Variants in ASAP1 observed in about 807,000 individuals in gnomAD.
ASAP1 encodes ArfGAP with SH3 domain, ankyrin repeat and PH domain 1.
A neutral mutation model predicts 145.2 loss-of-function variants in ASAP1; 43 were observed. That is an observed-to-expected ratio of 0.30 (90% CI 0.23 to 0.38). The LOEUF is 0.38. Among genes scored for constraint, ASAP1 ranks in the 10% least tolerant of loss-of-function variants. The pLI is 1.00. For missense variants in ASAP1, 1,018 were observed against 1,355.3 expected (o/e 0.75, Z 3.91); for synonymous variants, 546 against 515.5 (o/e 1.06, Z -0.80).
rs1406480468 is a variant in ASAP1, at chr8:130,139,565, C to G, written c.1081-2527G>C. Reference sequence around the variant, plus strand: ...ACGTGGCGAAACCCCGTTGTCTCTACTGAAAATACAAAACTTAGCTAAGCA... The same window carrying G: ...ACGTGGCGAAACCCCGTTGTCTCTAGTGAAAATACAAAACTTAGCTAAGCA... On this transcript the variant is annotated intron_variant, in intron 13 of 29. Coordinates refer to ENST00000518721, the MANE Select transcript of ASAP1 (RefSeq NM_018482.4). Among the ~76,000 whole-genome samples, 7 of 151,968 alleles carry G rather than the reference C, an allele frequency of 4.6e-5. No individual in the cohort carries two copies. The East Asian group carries it at 1.4e-3, about 29-fold the overall frequency.
At chr8:130,427,453 A>G (rs910405064) in intron 1 of ASAP1, among the ~76,000 whole-genome samples, 2 of 152,330 alleles carry the variant, frequency 1.3e-5, no homozygotes, top group Non-Finnish European at 2.9e-5. Flanking sequence ...CCACATGTGG[A>G]CAGGGTTCAG....
intron 3 of ASAP1, among the ~76,000 whole-genome samples, chr8:130,273,954 C>T (rs1264482462): frequency 2.0e-5 from 3 of 152,096 alleles, no homozygotes; most frequent in Non-Finnish European, 2.9e-5. Flanking sequence ...TGAAGGGGGG[C>T]GGAGGAGCTG....
intron 1 of ASAP1, among the ~76,000 whole-genome samples, chr8:130,410,098 G>T (rs575783945): frequency 1.3e-5 from 2 of 152,282 alleles, no homozygotes; most frequent in South Asian, 2.1e-4. Context: ...TTCCCATAGT[G>T]AGAATTATCT....
At chr8:130,086,761 G>A (rs1330481447) in intron 25 of ASAP1, among the ~76,000 whole-genome samples, 1 of 152,144 alleles carries the variant, frequency 6.6e-6, no homozygotes, top group African/African-American at 2.4e-5. Context: ...CTATGATCAC[G>A]CCACTGCACT....
Position 130,169,116 on chromosome 8 carries a change from G to C in ASAP1, c.747-49C>G, listed in dbSNP as rs374693184. 5 of 1,154,264 alleles carry C rather than the reference G, an allele frequency of 4.3e-6. No homozygotes were observed. The East Asian group carries it at 1.2e-4, about 28-fold the overall frequency. 71.5% of individuals were successfully genotyped at this position (1,154,264 alleles called of 1,614,324 possible). A position where few individuals can be genotyped will look rare whatever the true frequency, so the allele number is the denominator to read the frequency against. ...TTACCACCAGTATAAAAAAAAAAGA[G>C]TATTTGTTTCCTTATGTGGAAATAA... On this transcript the variant is annotated intron_variant, in intron 9 of 29. Transcript: ENST00000518721.
intron 2 of ASAP1, among the ~76,000 whole-genome samples, chr8:130,369,038 T>A (rs975890630): frequency 3.9e-5 from 6 of 152,242 alleles, no homozygotes; most frequent in African/African-American, 1.4e-4. Flanking sequence ...AGCTTCCTCA[T>A]CCGTAAAATG....
chr8:130,352,572 T>C (rs1826063675), intron 3 of ASAP1, among the ~76,000 whole-genome samples: 1 of 152,322 alleles, frequency 6.6e-6, no homozygotes, highest in Admixed American at 6.5e-5. Flanking sequence ...CTGGCCTGCA[T>C]GAGGACTTGA....
At chr8:130,366,443 TTG>T (rs920125041) in intron 2 of ASAP1, among the ~76,000 whole-genome samples, 1 of 152,180 alleles carries the variant, frequency 6.6e-6, no homozygotes, top group Non-Finnish European at 1.5e-5. Flanking sequence ...CAGTTGCCTA[TTG>T]TGATTGACAC....
chr8:130,150,699 G>C (rs925736574), intron 13 of ASAP1, among the ~76,000 whole-genome samples: 1 of 151,952 alleles, frequency 6.6e-6, no homozygotes, highest in South Asian at 2.1e-4. Context: ...GCAACACAGC[G>C]AAACCCCTAC....
intron 1 of ASAP1, among the ~76,000 whole-genome samples, chr8:130,423,511 C>T (rs1418364888): frequency 6.6e-6 from 1 of 152,096 alleles, no homozygotes; most frequent in Admixed American, 6.5e-5. Context: ...CAAGTATGTA[C>T]ATGCAAAAAC....
Position 130,360,490 on chromosome 8 carries a change from C to T in ASAP1, c.60-2347G>A, listed in dbSNP as rs12155934. Among the ~76,000 whole-genome samples, 359 of 152,310 alleles carry T rather than the reference C, an allele frequency of 2.4e-3. 2 individuals are homozygous for T. The highest frequency in any genetic ancestry group is 3.8e-3 in the Non-Finnish European group (261 of 68,034). ...CCCTCTATTGGCTGTACTGAACCTG[C>T]ACTGTGCCTCCAGCGAGATGCTCAT... On this transcript the variant is annotated intron_variant, in intron 2 of 29. Transcript: ENST00000518721.
chr8:130,168,960 G>A lies in ASAP1; in HGVS notation c.822+32C>T, dbSNP rs1384091790. On this transcript the variant is annotated intron_variant, in intron 10 of 29. Transcript: ENST00000518721. Reference sequence around the variant, plus strand: ...TACTGAAACTTATCCATGAAAGCAAGTTAAACTGCATGTATTTTATAAAGA... The same window carrying A: ...TACTGAAACTTATCCATGAAAGCAAATTAAACTGCATGTATTTTATAAAGA... 2.3e-6 allele frequency: 3 copies of A among 1,316,306 alleles called. 1 individual carries two copies. Among genetic ancestry groups the A allele is most frequent in the South Asian group, 2.6e-5 (2 of 75,524 alleles). The allele number at this position is 1,316,306 out of a possible 1,614,324, so 81.5% of individuals were successfully genotyped here. A position where few individuals can be genotyped will look rare whatever the true frequency, so the allele number is the denominator to read the frequency against.
rs144792496 is a variant in ASAP1 at position 130,250,431 on chromosome 8, C to T, written c.187-13437G>A. On this transcript the variant is annotated intron_variant, in intron 3 of 29. Coordinates refer to ENST00000518721, the MANE Select transcript of ASAP1 (RefSeq NM_018482.4). ...ACATGTTTTATTCTACTTTTTGTCA[C>T]GTCCAAGTATGGCGCATGCTAAGCT... is the stretch of plus-strand genomic sequence containing the variant. 2.4e-4 allele frequency among the ~76,000 whole-genome samples: 36 copies of T among 152,248 alleles called. No homozygotes were observed. In the East Asian group the frequency reaches 6.2e-3, roughly 26 times the overall value.
Position 130,180,823 on chromosome 8 carries a change from T to C in ASAP1, c.588A>G (p.Thr196=), listed in dbSNP as rs752499302. The change falls in exon 8 of 30, where the codon ACA becomes ACG. Residue 196 remains threonine (T), a synonymous_variant. Transcript: ENST00000518721. ...CCGCAATCTCAGCTCCTGTTATCTC[T>C]GTGCGGATCATCCCATGTTGTTTTG... ...EHAKQHGMIR[T]EITGAEIAEE... The C allele has an allele frequency of 1.2e-6, 2 of 1,613,764 alleles. No homozygotes were observed. The highest frequency in any genetic ancestry group is 2.7e-5 in the African/African-American group (2 of 74,932).
At chr8:130,202,462 G>T (rs991856617) in intron 5 of ASAP1, among the ~76,000 whole-genome samples, 1 of 152,186 alleles carries the variant, frequency 6.6e-6, no homozygotes, top group African/African-American at 2.4e-5. Flanking sequence ...TGGGCACTTG[G>T]TAACTGCTGG....
chr8:130,176,079 G>A (rs953033227), intron 9 of ASAP1, among the ~76,000 whole-genome samples: 1 of 152,210 alleles, frequency 6.6e-6, no homozygotes, highest in African/African-American at 2.4e-5. Context: ...ATTAGTGAGT[G>A]AGCTGAAATG....
intron 27 of ASAP1, among the ~76,000 whole-genome samples, chr8:130,071,767 A>T (rs905865017): frequency 6.6e-6 from 1 of 152,168 alleles, no homozygotes; most frequent in African/African-American, 2.4e-5. Flanking sequence ...AAACCTGCAA[A>T]CCTGAGTGTC....
chr8:130,099,180 ATTT>A (rs78544780), intron 24 of ASAP1, among the ~76,000 whole-genome samples: 1 of 140,636 alleles, frequency 7.1e-6, no homozygotes, highest in Admixed American at 7.2e-5. Context: ...GGCCTAGCTA[ATTT>A]TTTTTTTTTT....
intron 5 of ASAP1, among the ~76,000 whole-genome samples, chr8:130,197,380 G>A (rs1376332587): frequency 6.6e-6 from 1 of 152,216 alleles, no homozygotes; most frequent in Non-Finnish European, 1.5e-5. Context: ...AGTGAGCTGA[G>A]ATCATGCCAT....
Sources: allele counts gnomAD v4.1 joint callset (sites outside exome capture counted in the v4.1 genomes callset), GRCh38; gene constraint gnomAD v4.1.1; transcripts MANE v1.5; gene names NCBI Gene and HGNC (gene_info 2026-07-23, HGNC 2026-07-21).